The following PDE4B variants were observed in gnomAD, a reference collection of about 807,000 sequenced individuals.
PDE4B encodes the protein phosphodiesterase 4B.
A neutral mutation model predicts 82.2 loss-of-function variants in PDE4B; 20 were observed. The ratio of observed to expected loss-of-function variants is 0.24; its 90% CI spans 0.17 to 0.35. The LOEUF (loss-of-function observed/expected upper bound fraction) is 0.35, where lower values mean the gene tolerates loss of function less well. PDE4B is among the 10% of genes least tolerant of loss of function. PDE4B has a pLI of 1.00. For missense variants in PDE4B, 655 were observed against 907.2 expected (o/e 0.72, Z 3.57); for synonymous variants, 320 against 318.9 (o/e 1.00, Z -0.04).
intron 3 of PDE4B, among the ~76,000 whole-genome samples, chr1:66,147,855 G>A (rs1194557794): frequency 6.6e-6 from 1 of 152,130 alleles, no homozygotes; most frequent in Non-Finnish European, 1.5e-5. Context: ...ATCACTTGAG[G>A]CACTAATTAT....
chr1:66,251,412 C>A (rs750983079), intron 4 of PDE4B, among the ~76,000 whole-genome samples: 1 of 152,164 alleles, frequency 6.6e-6, no homozygotes, highest in East Asian at 1.9e-4. Flanking sequence ...CTGAAAAATA[C>A]AAAATAATGC....
chr1:66,116,091 C>T (rs550218288), intron 3 of PDE4B, among the ~76,000 whole-genome samples: 26 of 152,228 alleles, frequency 1.7e-4, no homozygotes, highest in Admixed American at 3.9e-4. Flanking sequence ...TTAGAACAAA[C>T]ATTAGAAGAG....
At chr1:66,272,059 C>G (rs1042863746) in intron 7 of PDE4B, among the ~76,000 whole-genome samples, 1 of 152,220 alleles carries the variant, frequency 6.6e-6, no homozygotes, top group Non-Finnish European at 1.5e-5. Context: ...CTTCACTTCT[C>G]TCAGCTGCCT....
chr1:66,368,561 G>A (rs1014883912), intron 15 of PDE4B, among the ~76,000 whole-genome samples: 6 of 152,102 alleles, frequency 3.9e-5, no homozygotes, highest in East Asian at 1.9e-4. Context: ...AATGACTGTC[G>A]GTCTAAGAAG....
intron 3 of PDE4B, among the ~76,000 whole-genome samples, chr1:65,947,475 T>C (rs1648771516): frequency 6.6e-6 from 1 of 151,988 alleles, no homozygotes; most frequent in African/African-American, 2.4e-5. Context: ...GATGCTGTTA[T>C]GGGTTGAATT....
At chr1:66,285,159 A>T (rs1570623618) in intron 7 of PDE4B, among the ~76,000 whole-genome samples, 1 of 152,154 alleles carries the variant, frequency 6.6e-6, no homozygotes, top group African/African-American at 2.4e-5. Flanking sequence ...ATTTCCTTGT[A>T]ATGTTTAAGC....
chr1:65,947,997 A>T (rs978337205), intron 3 of PDE4B, among the ~76,000 whole-genome samples: 1 of 148,330 alleles, frequency 6.7e-6, no homozygotes, highest in Admixed American at 6.8e-5. Flanking sequence ...ATATATGCAT[A>T]CATATACATA....
intron 7 of PDE4B, among the ~76,000 whole-genome samples, chr1:66,283,107 A>G (rs944170486): frequency 3.9e-5 from 6 of 152,146 alleles, no homozygotes; most frequent in Admixed American, 1.3e-4. Flanking sequence ...CCTAAGCTTA[A>G]AAGCATTTTC....
At chr1:65,882,615 G>A (rs1557795742) in intron 1 of PDE4B, among the ~76,000 whole-genome samples, 1 of 74,024 alleles carries the variant, frequency 1.4e-5, no homozygotes, top group South Asian at 5.8e-4. Flanking sequence ...GATTTATAAT[G>A]TAAGGGTACA....
At chr1:65,926,515 A>G (rs901891818) in intron 3 of PDE4B, among the ~76,000 whole-genome samples, 2 of 152,152 alleles carry the variant, frequency 1.3e-5, no homozygotes, top group Non-Finnish European at 2.9e-5. Flanking sequence ...TCCCGAAGAC[A>G]CTATCTTTCC....
chr1:66,327,772 A>T (rs1659840466), intron 7 of PDE4B, among the ~76,000 whole-genome samples: 1 of 152,258 alleles, frequency 6.6e-6, no homozygotes, highest in Non-Finnish European at 1.5e-5. Flanking sequence ...GTAGATCAGA[A>T]AAGGGAAGTG....
At chr1:65,828,539 C>T (rs1469662788) in intron 1 of PDE4B, among the ~76,000 whole-genome samples, 1 of 152,108 alleles carries the variant, frequency 6.6e-6, no homozygotes, top group Admixed American at 6.6e-5. Flanking sequence ...AGCCACTGCA[C>T]CTGGTCTCCT....
intron 3 of PDE4B, among the ~76,000 whole-genome samples, chr1:66,007,041 G>A (rs1012776395): frequency 6.6e-6 from 1 of 152,110 alleles, no homozygotes; most frequent in Admixed American, 6.6e-5. Flanking sequence ...GCTGAGGTGG[G>A]AAGATCCTTG....
intron 3 of PDE4B, among the ~76,000 whole-genome samples, chr1:65,954,059 G>A (rs909880199): frequency 3.3e-5 from 5 of 151,948 alleles, no homozygotes; most frequent in Admixed American, 2.0e-4. Flanking sequence ...ACCACACCCA[G>A]CTTATTTTTG....
At chr1:66,188,911 C>T (rs191364298) in intron 3 of PDE4B, among the ~76,000 whole-genome samples, 35 of 152,210 alleles carry the variant, frequency 2.3e-4, no homozygotes, top group East Asian at 9.7e-4. Context: ...CATTAGTTGA[C>T]GCAGTTTCTT....
At chr1:65,864,870 TCCCTTAGCAGAG>T (rs1646493579) in intron 1 of PDE4B, among the ~76,000 whole-genome samples, 1 of 152,122 alleles carries the variant, frequency 6.6e-6, no homozygotes, top group Non-Finnish European at 1.5e-5. Flanking sequence ...AGGCAGTCAG[TCCCTTAGCAGAG>T]CTCAAACACC....
intron 3 of PDE4B, among the ~76,000 whole-genome samples, chr1:66,187,514 T>G (rs1647291064): frequency 6.6e-6 from 1 of 152,258 alleles, no homozygotes; most frequent in Admixed American, 6.5e-5. Context: ...TTTCAGACCC[T>G]GTTATTGGTC....
intron 1 of PDE4B, among the ~76,000 whole-genome samples, chr1:65,868,719 C>T (rs1002091844): frequency 6.6e-5 from 10 of 152,150 alleles, no homozygotes; most frequent in Non-Finnish European, 1.5e-5. Flanking sequence ...GCCACGCAGC[C>T]GCAGGTGAGC....
chr1:66,365,081 G>T (rs1208281270), intron 12 of PDE4B, among the ~76,000 whole-genome samples: 1 of 152,098 alleles, frequency 6.6e-6, no homozygotes, highest in African/African-American at 2.4e-5. Flanking sequence ...TCAGCAGTGG[G>T]GCCTCAGGTT....
Sources: allele counts gnomAD v4.1 joint callset (sites outside exome capture counted in the v4.1 genomes callset), GRCh38; gene constraint gnomAD v4.1.1; transcripts MANE v1.5; gene names NCBI Gene and HGNC (gene_info 2026-07-23, HGNC 2026-07-21).